The following UBE2H variants were observed in gnomAD, a reference collection of about 807,000 sequenced individuals.
UBE2H encodes the protein ubiquitin conjugating enzyme E2 H.
A neutral mutation model predicts 29.0 loss-of-function variants in UBE2H; 3 were observed. The ratio of observed to expected loss-of-function variants is 0.10; its 90% CI spans 0.05 to 0.27. UBE2H has a LOEUF of 0.27. Among genes scored for constraint, UBE2H ranks in the 10% least tolerant of loss-of-function variants. UBE2H has a pLI of 1.00. For missense variants in UBE2H, 68 were observed against 228.2 expected (o/e 0.30, Z 4.52); for synonymous variants, 69 against 82.9 (o/e 0.83, Z 0.91).
chr7:129,909,483 T>G (rs1806886419), intron 1 of UBE2H, among the ~76,000 whole-genome samples: 1 of 152,166 alleles, frequency 6.6e-6, no homozygotes, highest in African/African-American at 2.4e-5. Context: ...TGAGCATTCT[T>G]TCTACCAGAC....
chr7:129,928,556 T>C (rs1481157957), intron 1 of UBE2H, among the ~76,000 whole-genome samples: 3 of 152,148 alleles, frequency 2.0e-5, no homozygotes, highest in African/African-American at 4.8e-5. Context: ...TGAGCCGAGA[T>C]TGCACCAATG....
At chr7:129,861,361 A>T (rs1805798560) in intron 3 of UBE2H, among the ~76,000 whole-genome samples, 1 of 151,972 alleles carries the variant, frequency 6.6e-6, no homozygotes, top group Non-Finnish European at 1.5e-5. Context: ...ACAGTGTAGA[A>T]TTCTTAGTGG....
intron 1 of UBE2H, among the ~76,000 whole-genome samples, chr7:129,888,561 G>A (rs1191800592): frequency 6.6e-6 from 1 of 151,926 alleles, no homozygotes; most frequent in East Asian, 1.9e-4. Context: ...TGCAATCTCC[G>A]CCTCCCAGGT....
intron 5 of UBE2H, among the ~76,000 whole-genome samples, chr7:129,854,413 T>C (rs1584745682): frequency 1.3e-5 from 2 of 152,244 alleles, no homozygotes; most frequent in Admixed American, 1.3e-4. Flanking sequence ...CAGTGTACTT[T>C]TGACTATACT....
At chr7:129,913,080 G>A (rs1204319713) in intron 1 of UBE2H, among the ~76,000 whole-genome samples, 1 of 151,792 alleles carries the variant, frequency 6.6e-6, no homozygotes, top group Non-Finnish European at 1.5e-5. Flanking sequence ...GTGAAACCTC[G>A]TCTCTACTAA....
chr7:129,892,633 G>A (rs1806520771), intron 1 of UBE2H, among the ~76,000 whole-genome samples: 2 of 152,102 alleles, frequency 1.3e-5, no homozygotes, highest in Admixed American at 1.3e-4. Flanking sequence ...GATACCCTTA[G>A]GAACAAATAA....
intron 5 of UBE2H, among the ~76,000 whole-genome samples, chr7:129,850,647 C>T (rs1485644166): frequency 6.6e-6 from 1 of 152,034 alleles, no homozygotes; most frequent in Non-Finnish European, 1.5e-5. Context: ...GAAATGCTAT[C>T]TCTACTAAAA....
chr7:129,923,019 A>T (rs1807196065), intron 1 of UBE2H, among the ~76,000 whole-genome samples: 2 of 151,910 alleles, frequency 1.3e-5, no homozygotes, highest in Non-Finnish European at 2.9e-5. Context: ...CTCCTGCCTC[A>T]GCCTCAGAGT....
chr7:129,909,863 G>A (rs1480644195), intron 1 of UBE2H, among the ~76,000 whole-genome samples: 3 of 152,166 alleles, frequency 2.0e-5, no homozygotes, highest in Non-Finnish European at 4.4e-5. Flanking sequence ...CTTGAAAGAG[G>A]TGGGAGTTGG....
chr7:129,921,222 C>G (rs1807155290), intron 1 of UBE2H, among the ~76,000 whole-genome samples: 1 of 152,024 alleles, frequency 6.6e-6, no homozygotes, highest in South Asian at 2.1e-4. Flanking sequence ...TCCAATTGTA[C>G]TCATCATTCT....
chr7:129,946,694 G>A (rs1463315342), intron 1 of UBE2H, among the ~76,000 whole-genome samples: 14 of 152,156 alleles, frequency 9.2e-5, no homozygotes, highest in Non-Finnish European at 1.6e-4. Flanking sequence ...CCCCCGGGCT[G>A]GAGTGCAGTG....
intron 3 of UBE2H, among the ~76,000 whole-genome samples, chr7:129,859,239 T>C (rs111823606): frequency 6.6e-6 from 1 of 152,208 alleles, no homozygotes; most frequent in Non-Finnish European, 1.5e-5. Flanking sequence ...AGATAAATTA[T>C]ACTACTAAAT....
chr7:129,888,619 C>T (rs1385053784), intron 1 of UBE2H, among the ~76,000 whole-genome samples: 3 of 152,142 alleles, frequency 2.0e-5, no homozygotes, highest in Non-Finnish European at 4.4e-5. Flanking sequence ...GGATTACAGG[C>T]GCCTGGCACC....
chr7:129,866,178 G>A (rs1805901534), intron 3 of UBE2H, among the ~76,000 whole-genome samples: 1 of 152,174 alleles, frequency 6.6e-6, no homozygotes, highest in Non-Finnish European at 1.5e-5. Context: ...TCAATGCCCT[G>A]TGTCATGGGA....
chr7:129,935,969 G>A (rs1478703284), intron 1 of UBE2H, among the ~76,000 whole-genome samples: 1 of 152,154 alleles, frequency 6.6e-6, no homozygotes, highest in South Asian at 2.1e-4. Context: ...TGCCTAGAGA[G>A]AATATGATTA....
intron 1 of UBE2H, among the ~76,000 whole-genome samples, chr7:129,933,598 A>G (rs1483337775): frequency 6.6e-6 from 1 of 152,212 alleles, no homozygotes; most frequent in Non-Finnish European, 1.5e-5. Context: ...CACACGTTAC[A>G]TGTGGGAAAA....
chr7:129,897,073 C>T (rs186795270), intron 1 of UBE2H, among the ~76,000 whole-genome samples: 2 of 152,200 alleles, frequency 1.3e-5, no homozygotes, highest in East Asian at 1.9e-4. Context: ...TTACATTCAG[C>T]GCACCCCAAA....
chr7:129,847,851 C>T (rs188326183), intron 5 of UBE2H, among the ~76,000 whole-genome samples: 72 of 152,280 alleles, frequency 4.7e-4, no homozygotes, highest in African/African-American at 1.6e-3. Flanking sequence ...AGGCTCCAAG[C>T]CTCTGGAAGG....
chr7:129,910,837 A>G (rs2708653), intron 1 of UBE2H, among the ~76,000 whole-genome samples: 144,006 of 152,204 alleles, frequency 0.95, 68,527 homozygotes, highest in East Asian at 1. Flanking sequence ...AGCAGAGAGC[A>G]CACCACCGTA....
Sources: allele counts gnomAD v4.1 joint callset (sites outside exome capture counted in the v4.1 genomes callset), GRCh38; gene constraint gnomAD v4.1.1; transcripts MANE v1.5; gene names NCBI Gene and HGNC (gene_info 2026-07-23, HGNC 2026-07-21).